DLD: variants seen among roughly 807,000 people sequenced by gnomAD.
DLD encodes dihydrolipoamide dehydrogenase, also known as dihydrolipoyl dehydrogenase, mitochondrial.
DLD carries 36 observed loss-of-function variants against 62.2 expected under a neutral mutation model. That is an observed-to-expected ratio of 0.58 (90% CI 0.44 to 0.76). The LOEUF (loss-of-function observed/expected upper bound fraction) is 0.76. DLD is among the 30% of genes least tolerant of loss of function. DLD has a pLI of 0.00. For missense variants in DLD, 541 were observed against 608.6 expected (o/e 0.89, Z 1.17); for synonymous variants, 204 against 199.6 (o/e 1.02, Z -0.19).
chr7:107,916,570 G>A (rs953093229), intron 9 of DLD, among the ~76,000 whole-genome samples: 3 of 152,046 alleles, frequency 2.0e-5, no homozygotes, highest in Non-Finnish European at 4.4e-5. Flanking sequence ...TACTAGGGAG[G>A]CTGAGGCAGG....
chr7:107,918,101 T>C, intron 12 of DLD, 40 bp downstream of exon 12: 1 of 1,611,880 alleles, frequency 6.2e-7, no homozygotes, highest in Non-Finnish European at 8.5e-7. Context: ...TTAAGATTTC[T>C]AGAAAGCATT....
Position 107,915,677 on chromosome 7 carries a change from G to C in DLD, c.856G>C (p.Asp286His), listed in dbSNP as rs766498171. ...GGTTACTGGTGCTACCAAGAAGTCA[G>C]ATGGAAAAATTGATGTTTCGTAAGT... ...TKVTGATKKS[D>H]GKIDVSIEAA... The change falls in exon 9 of 14, where the codon GAT (aspartate) becomes CAT (histidine). Residue 286 changes from aspartate to histidine, a missense_variant. Transcript: ENST00000205402. 6.2e-6 allele frequency: 10 copies of C among 1,613,522 alleles called. No homozygotes were observed. In the East Asian group the frequency reaches 1.8e-4, roughly 29 times the overall value.
At chr7:107,900,588 T>C (rs1439309132) in intron 2 of DLD, among the ~76,000 whole-genome samples, 9 of 152,118 alleles carry the variant, frequency 5.9e-5, no homozygotes, top group African/African-American at 2.2e-4. Context: ...TAGTTTATGA[T>C]GGTTAAAACT....
Position 107,891,298 on chromosome 7 carries a change from C to G in DLD, c.39+9C>G. On this transcript the variant is annotated intron_variant, in intron 1 of 13. Coordinates refer to ENST00000205402, the MANE Select transcript of DLD (RefSeq NM_000108.5). ...ACTGCTCCTTGGCCAAGGTGAGGGC[C>G]GAGTAGGTGAGGTCGTGTTGAGCCA... 6.2e-7 allele frequency: 1 copy of G among 1,614,046 alleles called. No individual in the cohort carries two copies. The highest frequency in any genetic ancestry group is 8.5e-7 in the Non-Finnish European group (1 of 1,179,922).
At chr7:107,909,242 C>T (rs1562917141) in intron 8 of DLD, among the ~76,000 whole-genome samples, 1 of 152,132 alleles carries the variant, frequency 6.6e-6, no homozygotes, top group Non-Finnish European at 1.5e-5. Flanking sequence ...CTCATTATTC[C>T]AATCTATATC....
intron 1 of DLD, among the ~76,000 whole-genome samples, chr7:107,892,799 C>T (rs1342122848): frequency 6.6e-6 from 1 of 152,200 alleles, no homozygotes; most frequent in Non-Finnish European, 1.5e-5. Context: ...CCGCCCACCT[C>T]AGCCTCCCAA....
rs1486434905 is a variant in DLD, at chr7:107,920,121, C to G, written c.*862C>G. 1 of 152,260 alleles carries G rather than the reference C, an allele frequency of 6.6e-6. No individual in the cohort carries two copies. Among genetic ancestry groups the G allele is most frequent in the Non-Finnish European group, 1.5e-5 (1 of 68,014 alleles). 9.4% of individuals were successfully genotyped at this position (152,260 alleles called of 1,614,324 possible). A position where few individuals can be genotyped will look rare whatever the true frequency, so the allele number is the denominator to read the frequency against. On this transcript the variant is annotated 3_prime_UTR_variant, in exon 14 of 14. Coordinates refer to ENST00000205402, the MANE Select transcript of DLD (RefSeq NM_000108.5). ...ATTTTAAAGGTCATCATCCTTTCAT[C>G]TATTTTAGATACACCTACTAAATGT...
intron 5 of DLD, among the ~76,000 whole-genome samples, chr7:107,904,366 T>C (rs986074362): frequency 6.6e-6 from 1 of 152,204 alleles, no homozygotes; most frequent in Admixed American, 6.5e-5. Context: ...GAGTCTCTTT[T>C]TCCTTATCTC....
chr7:107,916,657 C>T, intron 9 of DLD, 137 bp from the exon 10 acceptor site: 1 of 903,960 alleles, frequency 1.1e-6, no homozygotes, highest in Non-Finnish European at 1.8e-6. Flanking sequence ...GGCGACAGAG[C>T]AAGACTCTGT....
At chr7:107,902,419 G>C (rs766773143) in intron 4 of DLD, 26 bp downstream of exon 4, 85 of 1,609,652 alleles carry the variant, frequency 5.3e-5, no homozygotes, top group Non-Finnish European at 7.2e-5. Flanking sequence ...GTACAGCACA[G>C]AGATTGTTTT....
Position 107,891,282 on chromosome 7 carries a change from T to C in DLD, c.32T>C (p.Leu11Ser). Reference sequence around the variant, plus strand: ...AGCTGGAGTCGTGTGTACTGCTCCTTGGCCAAGGTGAGGGCCGAGTAGGTG... The same window carrying C: ...AGCTGGAGTCGTGTGTACTGCTCCTCGGCCAAGGTGAGGGCCGAGTAGGTG... MQSWSRVYCS[L>S]AKRGHFNRIS... Residue 11 changes from leucine (L) to serine (S), a missense_variant, in exon 1 of 14, where the codon TTG becomes TCG. Transcript: ENST00000205402. The C allele has an allele frequency of 3.1e-6, 5 of 1,614,120 alleles. No individual in the cohort carries two copies. Among genetic ancestry groups the C allele is most frequent in the Non-Finnish European group, 4.2e-6 (5 of 1,179,956 alleles).
Position 107,917,405 on chromosome 7 carries a change from T to G in DLD, c.1179T>G (p.Ile393Met), listed in dbSNP as rs554282866. ...ACTACAATTGTGTGCCATCAGTGAT[T>G]TACACACACCCTGAAGTTGCTTGGG... ...HIDYNCVPSV[I>M]YTHPEVAWVG... Residue 393 changes from isoleucine to methionine, a missense_variant, in exon 11 of 14, where the codon ATT (isoleucine) becomes ATG (methionine). By Grantham distance (10) the Ile-to-Met change is conservative (BLOSUM62 1). Coordinates refer to ENST00000205402, the MANE Select transcript of DLD (RefSeq NM_000108.5). 1 of 1,614,156 alleles carries G rather than the reference T, an allele frequency of 6.2e-7. No individual in the cohort carries two copies. The highest frequency in any genetic ancestry group is 1.3e-5 in the African/African-American group (1 of 75,042).
chr7:107,899,352 G>T (rs2031817418), intron 2 of DLD, among the ~76,000 whole-genome samples: 1 of 148,664 alleles, frequency 6.7e-6, no homozygotes, highest in Admixed American at 6.8e-5. Flanking sequence ...TGAATTTTTG[G>T]TATTTTCTGA....
chr7:107,901,393 A>G (rs746832532), intron 2 of DLD, among the ~76,000 whole-genome samples: 6 of 152,164 alleles, frequency 3.9e-5, no homozygotes, highest in African/African-American at 1.4e-4. Flanking sequence ...TCTTTGCTTC[A>G]TACATACTTG....
chr7:107,915,227 C>A (rs1234972419), intron 8 of DLD, among the ~76,000 whole-genome samples: 1 of 152,178 alleles, frequency 6.6e-6, no homozygotes, highest in Non-Finnish European at 1.5e-5. Flanking sequence ...AATATAAGAT[C>A]CCTGAGAACA....
At position 107,907,196 on chromosome 7, in the gene DLD, T is replaced by C. The variant is rs138135067; in HGVS notation, c.684+828T>C. Among the ~76,000 whole-genome samples the C allele has an allele frequency of 7.6e-3, 1,162 of 152,316 alleles. 17 individuals carry two copies. The highest frequency in any genetic ancestry group is 0.027 in the African/African-American group (1,124 of 41,578). On this transcript the variant is annotated intron_variant, in intron 8 of 13. Coordinates refer to ENST00000205402, the MANE Select transcript of DLD (RefSeq NM_000108.5). ...TTCTGTCATATCTGCTTGGCAAAAC[T>C]CTAGTTCGGTTTGAATGCAGCAGTC...
chr7:107,901,928 TAA>T, intron 3 of DLD, 111 bp downstream of exon 3: 1 of 851,916 alleles, frequency 1.2e-6, no homozygotes. Context: ...CTTAACTCTA[TAA>T]ATTACTTGTA....
chr7:107,891,236 A>C lies in DLD; in HGVS notation c.-15A>C, dbSNP rs1236459329. On this transcript the variant is annotated 5_prime_UTR_variant, in exon 1 of 14. Coordinates refer to ENST00000205402, the MANE Select transcript of DLD (RefSeq NM_000108.5). ...GAGGTGAAAGTATTGGCGGAAAGGAAAATACAGCGGAAAAATGCAGAGCTG... is the reference window on the plus strand; with the variant it reads ...GAGGTGAAAGTATTGGCGGAAAGGACAATACAGCGGAAAAATGCAGAGCTG... The C allele has an allele frequency of 2.5e-6, 4 of 1,614,102 alleles. No individual in the cohort carries two copies. In the East Asian group the frequency reaches 6.7e-5, roughly 27 times the overall value.
rs1442556789 is a variant in DLD, at chr7:107,919,060, A to G, written c.1425A>G (p.Ala475=). ...CTGCTCTTGCTTTGGAATATGGAGCATCCTGTGAAGATATAGCTAGAGTCT... is the reference window on the plus strand; with the variant it reads ...CTGCTCTTGCTTTGGAATATGGAGCGTCCTGTGAAGATATAGCTAGAGTCT... ...NEAALALEYG[A]SCEDIARVCH... is the part of the protein sequence containing the mutation. The change falls in exon 13 of 14, where the codon GCA becomes GCG. Residue 475 remains alanine, a synonymous_variant. Transcript: ENST00000205402. The G allele has an allele frequency of 6.2e-7, 1 of 1,614,040 alleles. No individual in the cohort carries two copies. Among genetic ancestry groups the G allele is most frequent in the Non-Finnish European group, 8.5e-7 (1 of 1,179,894 alleles).
Sources: gnomAD v4.1 joint callset for allele counts (sites outside exome capture counted in the v4.1 genomes callset) on GRCh38, gnomAD v4.1.1 for gene constraint, MANE v1.5 for transcripts, NCBI Gene and HGNC (gene_info 2026-07-23, HGNC 2026-07-21) for gene names.